SEPTIN5: variants seen among roughly 807,000 people sequenced by gnomAD.
SEPTIN5 encodes the protein septin 5, also known as septin-5.
Under a neutral mutation model 51.2 loss-of-function variants are expected in SEPTIN5, and 16 were observed. The observed-to-expected ratio is 0.31, with a 90% CI of 0.21 to 0.47. SEPTIN5 has a LOEUF of 0.47. SEPTIN5 is among the 20% of genes least tolerant of loss of function. The pLI is 0.99. For synonymous variants in SEPTIN5, 208 were observed against 191.2 expected (o/e 1.09, Z -0.72); for missense variants, 376 against 500.3 (o/e 0.75, Z 2.37).
chr22:19,716,590 G>T (rs567256313), intron 2 of SEPTIN5, among the ~76,000 whole-genome samples: 2 of 152,230 alleles, frequency 1.3e-5, no homozygotes, highest in African/African-American at 4.8e-5. Context: ...GGGGTGGCAG[G>T]TACGGCCCCT....
chr22:19,721,637 C>A lies in SEPTIN5; in HGVS notation c.718-3C>A. 1.9e-6 allele frequency: 3 copies of A among 1,612,774 alleles called. No individual in the cohort carries two copies. The highest frequency in any genetic ancestry group is 1.7e-6 in the Non-Finnish European group (2 of 1,179,774). The stretch of plus-strand genomic sequence containing the variant: ...TGTGAGCCTTTCTCCCTCCTTCCCC[C>A]AGGAGAGCGCGCCCTTCGCCGTTAT... On this transcript the variant is annotated splice_polypyrimidine_tract_variant and splice_region_variant and intron_variant, in intron 8 of 11. Transcript: ENST00000455784.
Position 19,717,513 on chromosome 22 carries a change from C to G in SEPTIN5, c.55-2089C>G, listed in dbSNP as rs376275288. 1.4e-4 allele frequency: 49 copies of G among 356,574 alleles called. 1 individual carries two copies. The East Asian group carries it at 3.1e-3, about 23-fold the overall frequency. 22.1% of individuals were successfully genotyped at this position (356,574 alleles called of 1,614,324 possible). ...TGGGAGATGGGTCCCATCCCACCCCCACCCCTGTCTCTGAGGGCAGGGCCA... is the reference window on the plus strand; with the variant it reads ...TGGGAGATGGGTCCCATCCCACCCCGACCCCTGTCTCTGAGGGCAGGGCCA... On this transcript the variant is annotated intron_variant, in intron 2 of 11. Transcript: ENST00000455784.
chr22:19,717,396 G>T, intron 2 of SEPTIN5: 2 of 467,664 alleles, frequency 4.3e-6, no homozygotes, highest in Non-Finnish European at 4.4e-6. Flanking sequence ...TGGGAGGGAG[G>T]CCCGGCTGGC....
chr22:19,721,793 C>T (rs1568998126), intron 9 of SEPTIN5, 29 bp from the exon 10 acceptor site: 1 of 1,603,038 alleles, frequency 6.2e-7, no homozygotes, highest in Admixed American at 1.7e-5. Context: ...TGGGCCGGCG[C>T]CAGCCCACTA....
chr22:19,720,722 G>T, intron 7 of SEPTIN5, 46 bp from the exon 8 acceptor site: 3 of 1,612,070 alleles, frequency 1.9e-6, no homozygotes, highest in Non-Finnish European at 2.5e-6. Flanking sequence ...AGAGTACCAG[G>T]GGGACTTGTC....
chr22:19,716,763 CCA>C (rs1420584394), intron 2 of SEPTIN5, among the ~76,000 whole-genome samples: 2 of 152,202 alleles, frequency 1.3e-5, no homozygotes, highest in Non-Finnish European at 2.9e-5. Context: ...AGTCTGAGAG[CCA>C]CACACTCTGT....
intron 2 of SEPTIN5, chr22:19,717,420 C>T: frequency 4.4e-6 from 2 of 459,752 alleles, no homozygotes; most frequent in Non-Finnish European, 9.0e-6. Context: ...AGCTCCCAGT[C>T]CCTCCAATCC....
Position 19,721,708 on chromosome 22 carries a change from C to A in SEPTIN5, c.786C>A (p.Gly262=), listed in dbSNP as rs972533076. ...AGGCCAAGGGGCAGCGGGTCCGGGG[C>A]CGACTGTACCCCTGGGGGATCGTGG... ...VVEAKGQRVR[G]RLYPWGIVEV... Residue 262 remains glycine (G), a synonymous_variant, in exon 9 of 12, where the codon GGC becomes GGA. Coordinates refer to ENST00000455784, the MANE Select transcript of SEPTIN5 (RefSeq NM_002688.6). 6.2e-6 allele frequency: 10 copies of A among 1,611,184 alleles called. No individual in the cohort carries two copies. In the African/African-American group the frequency reaches 1.2e-4, roughly 19 times the overall value.
In SEPTIN5 at chr22:19,723,097, G is replaced by C; in HGVS notation, c.*613G>C. On this transcript the variant is annotated 3_prime_UTR_variant, in exon 12 of 12. Coordinates refer to ENST00000455784, the MANE Select transcript of SEPTIN5 (RefSeq NM_002688.6). ...CCGGCCCGACCTGGAGGGCCCCCGG[G>C]GCACTGGGCGGTGAGCCACCTCCTG... 1 of 532,478 alleles carries C rather than the reference G, an allele frequency of 1.9e-6. No individual in the cohort carries two copies. The highest frequency in any genetic ancestry group is 3.6e-6 in the Non-Finnish European group (1 of 276,006). 33.0% of individuals were successfully genotyped at this position (532,478 alleles called of 1,614,324 possible).
In SEPTIN5 at chr22:19,722,536, C is replaced by A; in HGVS notation, c.*52C>A. On this transcript the variant is annotated 3_prime_UTR_variant, in exon 12 of 12. Coordinates refer to ENST00000455784, the MANE Select transcript of SEPTIN5 (RefSeq NM_002688.6). ...TCCGGGACGCCCTCGCACCCCTGGA[C>A]ACCAGACCGGACTGTTCCCGACCCG... The A allele has an allele frequency of 6.5e-7, 1 of 1,546,992 alleles. No individual in the cohort carries two copies. Among genetic ancestry groups the A allele is most frequent in the Admixed American group, 1.9e-5 (1 of 51,874 alleles).
At chr22:19,717,875 A>T (rs1286076405) in intron 2 of SEPTIN5, 3 of 171,646 alleles carry the variant, frequency 1.7e-5, no homozygotes, top group Non-Finnish European at 3.8e-5. Flanking sequence ...GGCATTACAC[A>T]CACACACATT....
rs896866189 is a variant in SEPTIN5 at position 19,722,256 on chromosome 22, C to G, written c.970C>G (p.Arg324Gly). ...GCGCAGCAAACTGACCCAGGACAGC[C>G]GCATGGAGAGCCCCATCCCGATCCT... Reference protein sequence around the residue: ...QMTSKLTQDSRMESPIPILPL... With the variant: ...QMTSKLTQDSGMESPIPILPL... Residue 324 changes from arginine to glycine, a missense_variant, in exon 11 of 12, where the codon CGC (arginine) becomes GGC (glycine). Around this residue, in one of 2 missense-constraint regions of SEPTIN5, gnomAD observed 89 missense variants for 83.3 expected, o/e 1.07. Coordinates refer to ENST00000455784, the MANE Select transcript of SEPTIN5 (RefSeq NM_002688.6). 2 of 1,609,280 alleles carry G rather than the reference C, an allele frequency of 1.2e-6. No individual in the cohort carries two copies. The highest frequency in any genetic ancestry group is 2.7e-5 in the African/African-American group (2 of 74,822).
intron 11 of SEPTIN5, 34 bp downstream of exon 11, chr22:19,722,373 G>C (rs563977648): frequency 6.9e-6 from 11 of 1,595,610 alleles, no homozygotes; most frequent in Non-Finnish European, 9.4e-6. Flanking sequence ...GGAGGCGGGC[G>C]TCAGGGATGC....
In SEPTIN5 at chr22:19,723,192, G is replaced by A. The variant is rs1288353867; in HGVS notation, c.*708G>A. 3.4e-6 allele frequency: 2 copies of A among 595,828 alleles called. No individual in the cohort carries two copies. The highest frequency in any genetic ancestry group is 1.5e-5 in the South Asian group (1 of 65,792). 36.9% of individuals were successfully genotyped at this position (595,828 alleles called of 1,614,324 possible). A position where few individuals can be genotyped will look rare whatever the true frequency, so the allele number is the denominator to read the frequency against. ...CCCCAGCACCGCTGTGGTGTGCCGG[G>A]ATCCTGAGCCTAGGCCTCCCGATGT... is the stretch of plus-strand genomic sequence containing the variant. On this transcript the variant is annotated 3_prime_UTR_variant, in exon 12 of 12. Coordinates refer to ENST00000455784, the MANE Select transcript of SEPTIN5 (RefSeq NM_002688.6).
In SEPTIN5 at chr22:19,722,708, G is replaced by T; in HGVS notation, c.*224G>T. 1 of 588,664 alleles carries T rather than the reference G, an allele frequency of 1.7e-6. No homozygotes were observed. The highest frequency in any genetic ancestry group is 3.1e-5 in the Admixed American group (1 of 32,428). 36.5% of individuals were successfully genotyped at this position (588,664 alleles called of 1,614,324 possible). ...ACCTTGGGGGATCAGGAGCGAAGTT[G>T]GGCGGGACTTCAGAGATCCGCCTCC... On this transcript the variant is annotated 3_prime_UTR_variant, in exon 12 of 12. Coordinates refer to ENST00000455784, the MANE Select transcript of SEPTIN5 (RefSeq NM_002688.6).
Position 19,722,766 on chromosome 22 carries a change from C to T in SEPTIN5, c.*282C>T. The T allele has an allele frequency of 1.8e-6, 1 of 540,910 alleles. No individual in the cohort carries two copies. The highest frequency in any genetic ancestry group is 3.3e-6 in the Non-Finnish European group (1 of 299,544). The allele number at this position is 540,910 out of a possible 1,614,324, so 33.5% of individuals were successfully genotyped here. Reference sequence around the variant, plus strand: ...TTCCCCCGCCCCCGGACGGTCACAGCACCCAAACCGCAGGCCCTGCTCTGG... The same window carrying T: ...TTCCCCCGCCCCCGGACGGTCACAGTACCCAAACCGCAGGCCCTGCTCTGG... On this transcript the variant is annotated 3_prime_UTR_variant, in exon 12 of 12. Coordinates refer to ENST00000455784, the MANE Select transcript of SEPTIN5 (RefSeq NM_002688.6).
In SEPTIN5 at chr22:19,716,121, G is replaced by A. The variant is rs575313710; in HGVS notation, c.54+1330G>A. 2.4e-3 allele frequency among the ~76,000 whole-genome samples: 369 copies of A among 152,314 alleles called. 2 individuals carry two copies. Among genetic ancestry groups the A allele is most frequent in the African/African-American group, 7.9e-3 (329 of 41,580 alleles). On this transcript the variant is annotated intron_variant, in intron 2 of 11. Transcript: ENST00000455784. Reference sequence around the variant, plus strand: ...ACCCCCTCCTGCTGAGGTGCCCATCGTTTGAGGTCAACCGGGAGTCCACCT... The same window carrying A: ...ACCCCCTCCTGCTGAGGTGCCCATCATTTGAGGTCAACCGGGAGTCCACCT...
chr22:19,718,361 C>A (rs1322604826), intron 2 of SEPTIN5: 3 of 997,242 alleles, frequency 3.0e-6, no homozygotes, highest in Non-Finnish European at 3.6e-6. Context: ...CCGCCCGCGG[C>A]CCAATTTCCA....
At position 19,722,595 on chromosome 22, in the gene SEPTIN5, AT is replaced by A; in HGVS notation, c.*114del. 8.7e-7 allele frequency: 1 copy of A among 1,146,270 alleles called. No individual in the cohort carries two copies. The highest frequency in any genetic ancestry group is 1.3e-6 in the Non-Finnish European group (1 of 795,974). The allele number at this position is 1,146,270 out of a possible 1,614,324, so 71.0% of individuals were successfully genotyped here. On this transcript the variant is annotated 3_prime_UTR_variant, in exon 12 of 12. Transcript: ENST00000455784. ...GGGCCACAGCCCCCAGCTGACCCTA[AT>A]TTATTCTCAGCACCACCCCCTCCCA...
Sources: allele counts gnomAD v4.1 joint callset (sites outside exome capture counted in the v4.1 genomes callset), GRCh38; gene constraint gnomAD v4.1.1; regional missense constraint gnomAD v4.1.1; transcripts MANE v1.5; gene names NCBI Gene and HGNC (gene_info 2026-07-23, HGNC 2026-07-21).